Variants in WWC1 observed in about 807,000 individuals in gnomAD.
WWC1 encodes protein KIBRA.
WWC1 carries 55 observed loss-of-function variants against 138.4 expected under a neutral mutation model. That is an observed-to-expected ratio of 0.40 (90% CI 0.32 to 0.50). WWC1 has a LOEUF of 0.50. WWC1 is among the 20% of genes least tolerant of loss of function. The pLI, the probability that WWC1 is intolerant of heterozygous loss-of-function variation, is 0.72. For synonymous variants in WWC1, 524 were observed against 564.9 expected (o/e 0.93, Z 1.03); for missense variants, 1,226 against 1,420.4 (o/e 0.86, Z 2.20).
chr5:168,309,529 G>C (rs1248696772), intron 1 of WWC1, among the ~76,000 whole-genome samples: 1 of 152,066 alleles, frequency 6.6e-6, no homozygotes, highest in African/African-American at 2.4e-5. Context: ...CCTATTTCCA[G>C]AAACATCCAT....
intron 1 of WWC1, among the ~76,000 whole-genome samples, chr5:168,355,478 G>A (rs2152794137): frequency 8.4e-6 from 1 of 118,424 alleles, no homozygotes; most frequent in East Asian, 2.6e-4. Context: ...TGGGTGACAA[G>A]AGTGAGACTC....
chr5:168,306,901 TAAGC>T (rs1770610890), intron 1 of WWC1, among the ~76,000 whole-genome samples: 1 of 152,222 alleles, frequency 6.6e-6, no homozygotes, highest in Non-Finnish European at 1.5e-5. Context: ...CCAGCCAGTC[TAAGC>T]TACTTTAGAG....
chr5:168,449,221 A>C (rs6894023), intron 17 of WWC1, among the ~76,000 whole-genome samples: 4,431 of 152,242 alleles, frequency 0.029, 218 homozygotes, highest in African/African-American at 0.1. Flanking sequence ...TTCTCTTTAC[A>C]ATTAAAATTA....
intron 1 of WWC1, among the ~76,000 whole-genome samples, chr5:168,344,133 G>C (rs1159722615): frequency 6.6e-6 from 1 of 152,154 alleles, no homozygotes; most frequent in Non-Finnish European, 1.5e-5. Flanking sequence ...GTCATAATGG[G>C]GCAATGGGAA....
intron 1 of WWC1, among the ~76,000 whole-genome samples, chr5:168,355,856 G>A (rs1775364217): frequency 6.6e-6 from 1 of 151,992 alleles, no homozygotes; most frequent in African/African-American, 2.4e-5. Flanking sequence ...AGCTGGAGAA[G>A]TGAGGAAAGG....
chr5:168,344,331 G>A lies in WWC1; in HGVS notation c.120-27093G>A, dbSNP rs539819839. On this transcript the variant is annotated intron_variant, in intron 1 of 22. Coordinates refer to ENST00000265293, the MANE Select transcript of WWC1 (RefSeq NM_015238.3). ...CTTGAGAGAGTTGGGTAGCCCACAGGAAAGAACAAGTGGTGAAAACCTGGC... is the reference window on the plus strand; with the variant it reads ...CTTGAGAGAGTTGGGTAGCCCACAGAAAAGAACAAGTGGTGAAAACCTGGC... Among the ~76,000 whole-genome samples, 9 of 152,306 alleles carry A rather than the reference G, an allele frequency of 5.9e-5. No individual in the cohort carries two copies. The East Asian group carries it at 9.6e-4, about 16-fold the overall frequency.
chr5:168,466,933 T>A (rs959122331), intron 21 of WWC1, among the ~76,000 whole-genome samples: 32 of 150,500 alleles, frequency 2.1e-4, no homozygotes, highest in Non-Finnish European at 4.0e-4. Flanking sequence ...AAAAAAAAAA[T>A]TAGCATCTAT....
At chr5:168,442,134 A>G (rs527686098) in intron 16 of WWC1, among the ~76,000 whole-genome samples, 59 of 152,332 alleles carry the variant, frequency 3.9e-4, no homozygotes, top group African/African-American at 1.3e-3. Flanking sequence ...GAAGAAGGTA[A>G]AAAACTGTGG....
intron 1 of WWC1, among the ~76,000 whole-genome samples, chr5:168,296,951 G>A (rs781591304): frequency 6.6e-6 from 1 of 152,246 alleles, no homozygotes; most frequent in Non-Finnish European, 1.5e-5. Context: ...GACCATTCTG[G>A]TGTGGTCAGG....
chr5:168,335,298 G>C (rs907739293), intron 1 of WWC1, among the ~76,000 whole-genome samples: 5 of 152,196 alleles, frequency 3.3e-5, no homozygotes, highest in Non-Finnish European at 7.3e-5. Context: ...CTCCTAATGA[G>C]GTGTCACAGA....
intron 16 of WWC1, among the ~76,000 whole-genome samples, chr5:168,443,133 C>T (rs998448453): frequency 6.6e-6 from 1 of 152,146 alleles, no homozygotes; most frequent in South Asian, 2.1e-4. Context: ...CTGTAATGAT[C>T]CTTCCCTCTC....
intron 1 of WWC1, among the ~76,000 whole-genome samples, chr5:168,366,247 C>A (rs149842783): frequency 6.6e-6 from 1 of 152,196 alleles, no homozygotes; most frequent in Non-Finnish European, 1.5e-5. Context: ...ATCTCTTCAT[C>A]CTGAATGACA....
At chr5:168,430,865 G>A (rs1582272411) in intron 14 of WWC1, among the ~76,000 whole-genome samples, 1 of 152,196 alleles carries the variant, frequency 6.6e-6, no homozygotes, top group Non-Finnish European at 1.5e-5. Context: ...TGTGAGGGTG[G>A]CACATGTGGG....
Position 168,361,168 on chromosome 5 carries a change from G to C in WWC1, c.120-10256G>C, listed in dbSNP as rs570576439. On this transcript the variant is annotated intron_variant, in intron 1 of 22. Transcript: ENST00000265293. Reference sequence around the variant, plus strand: ...GGAAAACTGAGGCTCAGACCTGGGGGAAGGAATGGACTGAGATTACACAGC... The same window carrying C: ...GGAAAACTGAGGCTCAGACCTGGGGCAAGGAATGGACTGAGATTACACAGC... Among the ~76,000 whole-genome samples, 4 of 152,310 alleles carry C rather than the reference G, an allele frequency of 2.6e-5. No individual in the cohort carries two copies. The East Asian group carries it at 7.7e-4, about 29-fold the overall frequency.
chr5:168,303,741 C>T (rs1323312052), intron 1 of WWC1, among the ~76,000 whole-genome samples: 1 of 152,094 alleles, frequency 6.6e-6, no homozygotes, highest in African/African-American at 2.4e-5. Context: ...AATTGCCCTC[C>T]CTGTTTCTCA....
At chr5:168,311,302 A>G (rs533943690) in intron 1 of WWC1, among the ~76,000 whole-genome samples, 1 of 120,866 alleles carries the variant, frequency 8.3e-6, no homozygotes, top group South Asian at 2.8e-4. Context: ...ACAGAGGCCC[A>G]TACAAGATGG....
chr5:168,300,110 A>G (rs1470067952), intron 1 of WWC1, among the ~76,000 whole-genome samples: 1 of 150,960 alleles, frequency 6.6e-6, no homozygotes, highest in Non-Finnish European at 1.5e-5. Flanking sequence ...CAGCATGGAG[A>G]TGGCCAGCTG....
At chr5:168,316,236 T>C (rs1016337372) in intron 1 of WWC1, among the ~76,000 whole-genome samples, 1 of 152,152 alleles carries the variant, frequency 6.6e-6, no homozygotes, top group Admixed American at 6.6e-5. Context: ...CAAACAAAGA[T>C]ACCAGCAGCC....
intron 17 of WWC1, among the ~76,000 whole-genome samples, chr5:168,452,045 A>G (rs1022203500): frequency 6.6e-6 from 1 of 151,520 alleles, no homozygotes; most frequent in African/African-American, 2.4e-5. Context: ...AGCTGGGATT[A>G]CAGGTGCCCA....
Sources: allele counts gnomAD v4.1 joint callset (sites outside exome capture counted in the v4.1 genomes callset), GRCh38; gene constraint gnomAD v4.1.1; transcripts MANE v1.5; gene names NCBI Gene and HGNC (gene_info 2026-07-23, HGNC 2026-07-21).